The following ARHGEF28 variants were observed in gnomAD, a reference collection of about 807,000 sequenced individuals.
The protein encoded by ARHGEF28 is Rho guanine nucleotide exchange factor 28.
ARHGEF28 carries 152 observed loss-of-function variants against 206.6 expected under a neutral mutation model. The ratio of observed to expected loss-of-function variants is 0.74; its 90% CI spans 0.64 to 0.84. The LOEUF (loss-of-function observed/expected upper bound fraction) is 0.84, where lower values mean the gene tolerates loss of function less well. ARHGEF28 is among the 40% of genes least tolerant of loss of function. ARHGEF28 has a pLI of 0.00. For synonymous variants in ARHGEF28, 763 were observed against 776.4 expected, an observed-to-expected ratio of 0.98 and a Z score of 0.29; for missense variants, 2,028 against 2,073.2, an observed-to-expected ratio of 0.98 and a Z score of 0.42.
chr5:73,780,879 C>T (rs1753809047), intron 7 of ARHGEF28, 134 bp downstream of exon 7: 1 of 850,308 alleles, frequency 1.2e-6, no homozygotes, highest in Non-Finnish European at 1.8e-6. Context: ...GTGTGGGATA[C>T]AGCAAAGCCC....
At chr5:73,796,444 A>G (rs6883409) in intron 9 of ARHGEF28, among the ~76,000 whole-genome samples, 28,793 of 152,156 alleles carry the variant, frequency 0.19, 5,379 homozygotes, top group African/African-American at 0.48. Context: ...GAAGGTGGGT[A>G]ACCCACGGGG....
At chr5:73,666,355 C>T (rs1005243872) in intron 1 of ARHGEF28, among the ~76,000 whole-genome samples, 25 of 152,180 alleles carry the variant, frequency 1.6e-4, no homozygotes, top group Non-Finnish European at 3.2e-4. Flanking sequence ...AGGCTTGTGC[C>T]TGCAGCTTGA....
intron 1 of ARHGEF28, among the ~76,000 whole-genome samples, chr5:73,649,226 C>T (rs1304441265): frequency 6.6e-6 from 1 of 152,120 alleles, no homozygotes; most frequent in African/African-American, 2.4e-5. Context: ...GGTCCTGCCT[C>T]CTAAATGTCA....
At chr5:73,794,344 G>GTTC (rs2112485266) in intron 7 of ARHGEF28, 58 bp from the exon 8 acceptor site, 1 of 1,427,830 alleles carries the variant, frequency 7.0e-7, no homozygotes, top group Non-Finnish European at 9.7e-7. Context: ...GCTAGTAGTT[G>GTTC]TTGTTCTTCT....
At chr5:73,880,699 G>T (rs530505488) in intron 22 of ARHGEF28, among the ~76,000 whole-genome samples, 1 of 152,182 alleles carries the variant, frequency 6.6e-6, no homozygotes, top group Non-Finnish European at 1.5e-5. Context: ...TTGGGAGGCC[G>T]AGGTGGATGG....
chr5:73,826,842 GA>G, intron 9 of ARHGEF28, among the ~76,000 whole-genome samples: 1 of 152,286 alleles, frequency 6.6e-6, no homozygotes, highest in African/African-American at 2.4e-5. Flanking sequence ...ATGGGCTGAT[GA>G]AAATTTTGAC....
chr5:73,791,646 G>T (rs1339638247), intron 7 of ARHGEF28, among the ~76,000 whole-genome samples: 2 of 108,354 alleles, frequency 1.8e-5, no homozygotes, highest in Non-Finnish European at 3.8e-5. Context: ...GTGCATAGAG[G>T]TGAGTTTTTT....
chr5:73,677,766 A>G (rs937632307), intron 1 of ARHGEF28, among the ~76,000 whole-genome samples: 2 of 152,234 alleles, frequency 1.3e-5, no homozygotes, highest in Non-Finnish European at 2.9e-5. Context: ...TAAGGCCCCA[A>G]GTCATCCCCT....
At chr5:73,747,336 AG>A (rs1751773917) in intron 2 of ARHGEF28, among the ~76,000 whole-genome samples, 1 of 152,182 alleles carries the variant, frequency 6.6e-6, no homozygotes, top group Non-Finnish European at 1.5e-5. Flanking sequence ...TTAGAAAAGT[AG>A]CAGATTTTCA....
chr5:73,699,283 G>C (rs530601111), intron 2 of ARHGEF28, among the ~76,000 whole-genome samples: 7 of 151,962 alleles, frequency 4.6e-5, no homozygotes, highest in Admixed American at 1.3e-4. Context: ...ATCTTTTGAG[G>C]TGCATGGCTA....
At chr5:73,826,194 G>A (rs982440084) in intron 9 of ARHGEF28, among the ~76,000 whole-genome samples, 3 of 152,180 alleles carry the variant, frequency 2.0e-5, no homozygotes, top group East Asian at 1.9e-4. Context: ...CAGAAGGTGC[G>A]ACTGAGAGCT....
chr5:73,846,955 A>G (rs1042770232), intron 12 of ARHGEF28, among the ~76,000 whole-genome samples: 18 of 152,348 alleles, frequency 1.2e-4, no homozygotes, highest in African/African-American at 2.9e-4. Flanking sequence ...GATTTTGTCA[A>G]CTTTTCCATA....
rs1368684675 is a variant in ARHGEF28 at position 73,774,889 on chromosome 5, A to G, written c.659+851A>G. On this transcript the variant is annotated intron_variant, in intron 5 of 35. Transcript: ENST00000513042. ...TGCTACATAAATATTAAATATTATT[A>G]GAGTATTATTATGTGGCATGTTCAA... Among the ~76,000 whole-genome samples the G allele has an allele frequency of 2.6e-5, 4 of 152,238 alleles. No individual in the cohort carries two copies. In the South Asian group the frequency reaches 8.3e-4, roughly 31 times the overall value.
chr5:73,632,848 AGACAGTCTTTCAATG>A (rs1743455550), intron 1 of ARHGEF28, among the ~76,000 whole-genome samples: 1 of 152,148 alleles, frequency 6.6e-6, no homozygotes. Context: ...GTGTTGTAGA[AGACAGTCTTTCAATG>A]GACTTTGGTG....
intron 1 of ARHGEF28, among the ~76,000 whole-genome samples, chr5:73,671,237 C>G (rs1030154509): frequency 6.6e-6 from 1 of 152,116 alleles, no homozygotes; most frequent in Non-Finnish European, 1.5e-5. Flanking sequence ...AGTGGGAAAC[C>G]CTGTAGCTTA....
chr5:73,894,416 C>G lies in ARHGEF28; in HGVS notation c.3682C>G (p.Gln1228Glu), dbSNP rs1316744027. The G allele has an allele frequency of 1.2e-6, 2 of 1,612,504 alleles. No homozygotes were observed. Among genetic ancestry groups the G allele is most frequent in the African/African-American group, 2.7e-5 (2 of 74,894 alleles). ...AGAAATACTCACTAACCAAGACCAACAAATTTGTGCGTATTTGGAGGAGAA... is the reference window on the plus strand; with the variant it reads ...AGAAATACTCACTAACCAAGACCAAGAAATTTGTGCGTATTTGGAGGAGAA... ...CQEILTNQDQ[Q>E]ICAYLEEKLH... The change falls in exon 29 of 36, where the codon CAA becomes GAA. Residue 1228 changes from glutamine (Q) to glutamate (E), a missense_variant. By Grantham distance (29) the Gln-to-Glu change is conservative. Coordinates refer to ENST00000513042, the MANE Select transcript of ARHGEF28 (RefSeq NM_001177693.2).
chr5:73,720,258 A>G (rs1484124096), intron 2 of ARHGEF28, among the ~76,000 whole-genome samples: 1 of 152,234 alleles, frequency 6.6e-6, no homozygotes, highest in Non-Finnish European at 1.5e-5. Context: ...TACCCCATGA[A>G]TAGACATGAC....
Position 73,920,182 on chromosome 5 carries a change from T to A in ARHGEF28, c.4948+8607T>A, listed in dbSNP as rs79346530. On this transcript the variant is annotated intron_variant, in intron 35 of 35. Transcript: ENST00000513042. ...ATCACAGGCAGGATAGATGAGTGTC[T>A]CCGGCTAGCTAACTGGATCAAGTGT... Among the ~76,000 whole-genome samples, 501 of 152,314 alleles carry A rather than the reference T, an allele frequency of 3.3e-3. 3 individuals carry two copies. Among genetic ancestry groups the A allele is most frequent in the African/African-American group, 0.011 (465 of 41,566 alleles).
chr5:73,706,292 C>T (rs946090372), intron 2 of ARHGEF28, among the ~76,000 whole-genome samples: 2 of 151,698 alleles, frequency 1.3e-5, no homozygotes, highest in Non-Finnish European at 2.9e-5. Context: ...TGCAGTGAGC[C>T]GAGATCACAC....
Sources: allele counts gnomAD v4.1 joint callset (sites outside exome capture counted in the v4.1 genomes callset), GRCh38; gene constraint gnomAD v4.1.1; transcripts MANE v1.5; gene names NCBI Gene and HGNC (gene_info 2026-07-23, HGNC 2026-07-21).